Variants in SLC24A2 observed in about 807,000 individuals in gnomAD.
The protein encoded by SLC24A2 is sodium/potassium/calcium exchanger 2.
Under a neutral mutation model 62.0 loss-of-function variants are expected in SLC24A2, and 36 were observed. That is an observed-to-expected ratio of 0.58 (90% confidence interval 0.44 to 0.77). The LOEUF is 0.77. Ranked by LOEUF, SLC24A2 falls within the 30% of genes least tolerant of loss-of-function variation. SLC24A2 has a pLI of 0.00. For synonymous variants in SLC24A2, 358 were observed against 294.0 expected, an observed-to-expected ratio of 1.22 and a Z score of -2.23; for missense variants, 846 against 817.9, an observed-to-expected ratio of 1.03 and a Z score of -0.42.
At chr9:20,021,747 T>G in the SLC24A2 span, among the ~76,000 whole-genome samples, 1 of 152,104 alleles carries the variant, frequency 6.6e-6, no homozygotes, top group Non-Finnish European at 1.5e-5. Flanking sequence ...TGTGTTGGGC[T>G]ACACCTAATA....
chr9:19,813,492 G>GT, the SLC24A2 span, among the ~76,000 whole-genome samples: 1 of 151,436 alleles, frequency 6.6e-6, no homozygotes, highest in African/African-American at 2.4e-5. Flanking sequence ...TAATTTTTGT[G>GT]TTTTTTGGTA....
the SLC24A2 span, among the ~76,000 whole-genome samples, chr9:19,871,638 A>G: frequency 2.6e-5 from 4 of 152,236 alleles, no homozygotes; most frequent in Non-Finnish European, 5.9e-5. Context: ...ATGAAACAAT[A>G]TACAAGATTA....
the SLC24A2 span, among the ~76,000 whole-genome samples, chr9:20,249,562 T>A: frequency 6.6e-6 from 1 of 151,802 alleles, no homozygotes; most frequent in Non-Finnish European, 1.5e-5. Context: ...AAAAAGTAGC[T>A]GACGTGGTGG....
chr9:19,990,438 C>T, the SLC24A2 span, among the ~76,000 whole-genome samples: 7 of 151,634 alleles, frequency 4.6e-5, no homozygotes, highest in Non-Finnish European at 7.4e-5. Flanking sequence ...GGTGAAACCC[C>T]GTCTCTACTA....
chr9:20,286,263 T>C, the SLC24A2 span, among the ~76,000 whole-genome samples: 1 of 152,176 alleles, frequency 6.6e-6, no homozygotes, highest in East Asian at 1.9e-4. Flanking sequence ...TGAAGGCTTA[T>C]TTTTCTCATA....
the SLC24A2 span, among the ~76,000 whole-genome samples, chr9:20,258,843 AT>A: frequency 1.0e-5 from 1 of 96,494 alleles, no homozygotes. Context: ...CTGTCTATCT[AT>A]CTATCTATCT....
chr9:19,594,999 T>C (rs1158023897), intron 5 of SLC24A2, among the ~76,000 whole-genome samples: 2 of 152,218 alleles, frequency 1.3e-5, no homozygotes, highest in Non-Finnish European at 2.9e-5. Flanking sequence ...TATTCTTTTT[T>C]CTAGTACTTG....
At chr9:20,065,537 T>C in the SLC24A2 span, among the ~76,000 whole-genome samples, 1 of 152,236 alleles carries the variant, frequency 6.6e-6, no homozygotes, top group Non-Finnish European at 1.5e-5. Context: ...TAGGTACTTT[T>C]ATTTAATACT....
At chr9:19,993,789 T>A in the SLC24A2 span, among the ~76,000 whole-genome samples, 1 of 152,122 alleles carries the variant, frequency 6.6e-6, no homozygotes, top group Non-Finnish European at 1.5e-5. Flanking sequence ...CCCTCGAGAA[T>A]ATTACCATTA....
chr9:20,227,203 T>C, the SLC24A2 span, among the ~76,000 whole-genome samples: 2 of 152,310 alleles, frequency 1.3e-5, no homozygotes, highest in Admixed American at 1.3e-4. Context: ...TTTTAAAATA[T>C]GAATACGATA....
chr9:19,976,373 T>C, the SLC24A2 span, among the ~76,000 whole-genome samples: 3 of 152,204 alleles, frequency 2.0e-5, no homozygotes, highest in African/African-American at 4.8e-5. Flanking sequence ...ATTCTTATGA[T>C]AGTGAATGAG....
chr9:20,279,619 G>A, the SLC24A2 span, among the ~76,000 whole-genome samples: 4 of 152,200 alleles, frequency 2.6e-5, no homozygotes, highest in Non-Finnish European at 5.9e-5. Flanking sequence ...GTCTAACCAA[G>A]AGGTCTGGAC....
chr9:19,783,147 T>C (rs1823063400), intron 2 of SLC24A2, among the ~76,000 whole-genome samples: 2 of 152,136 alleles, frequency 1.3e-5, no homozygotes, highest in African/African-American at 2.4e-5. Flanking sequence ...TGGAACCAAA[T>C]TAAGATTTTA....
intron 9 of SLC24A2, among the ~76,000 whole-genome samples, chr9:19,521,584 G>C (rs1043149097): frequency 6.6e-6 from 1 of 152,176 alleles, no homozygotes; most frequent in Non-Finnish European, 1.5e-5. Context: ...GGGTGTTTCG[G>C]GTTTTGGTAA....
intron 2 of SLC24A2, among the ~76,000 whole-genome samples, chr9:19,769,343 C>T (rs1269734236): frequency 6.6e-6 from 1 of 152,238 alleles, no homozygotes; most frequent in East Asian, 1.9e-4. Flanking sequence ...GGCCAGGCCA[C>T]CACTGTTACC....
At chr9:19,597,106 A>C in intron 5 of SLC24A2, 123 bp downstream of exon 5, 1 of 723,228 alleles carries the variant, frequency 1.4e-6, no homozygotes, top group Non-Finnish European at 2.5e-6. Context: ...TGCAGAAAGA[A>C]TAGTAAGTCA....
the SLC24A2 span, among the ~76,000 whole-genome samples, chr9:20,138,116 T>A: frequency 2.6e-5 from 4 of 152,176 alleles, no homozygotes; most frequent in African/African-American, 9.7e-5. Flanking sequence ...AACTTTTTTT[T>A]AATCCTAACC....
the SLC24A2 span, among the ~76,000 whole-genome samples, chr9:19,839,538 T>C: frequency 6.6e-6 from 1 of 152,202 alleles, no homozygotes; most frequent in Non-Finnish European, 1.5e-5. Flanking sequence ...AGTGGATTGA[T>C]AATATAATTC....
the SLC24A2 span, among the ~76,000 whole-genome samples, chr9:19,966,648 T>C: frequency 2.6e-5 from 4 of 152,300 alleles, no homozygotes; most frequent in Middle Eastern, 3.4e-3. Flanking sequence ...CTCACTGTTC[T>C]TTTGGAAAAT....
Sources: gnomAD v4.1 joint callset for allele counts (sites outside exome capture counted in the v4.1 genomes callset) on GRCh38, gnomAD v4.1.1 for gene constraint, MANE v1.5 for transcripts, NCBI Gene and HGNC (gene_info 2026-07-23, HGNC 2026-07-21) for gene names.